Variants in COL5A3 observed in about 807,000 individuals in gnomAD.
COL5A3 encodes collagen type V alpha 3 chain.
In COL5A3, 172 loss-of-function variants were observed where a neutral mutation model predicts 250.0. The observed-to-expected ratio is 0.69, with a 90% CI of 0.61 to 0.78. COL5A3 has a LOEUF of 0.78. Ranked by LOEUF, COL5A3 falls within the 30% of genes least tolerant of loss-of-function variation. COL5A3 has a pLI of 0.00. For missense variants in COL5A3, 2,340 were observed against 2,334.4 expected (o/e 1.00, Z -0.05); for synonymous variants, 937 against 900.4 (o/e 1.04, Z -0.73).
rs1274427476 is a variant in COL5A3, at chr19:9,969,405, G to A, written c.4099-3C>T. On this transcript the variant is annotated splice_region_variant and splice_polypyrimidine_tract_variant and intron_variant, in intron 56 of 66. Transcript: ENST00000264828. ...GCTCCCAGGAGGCCTGGTTCACCCT[G>A]AGAATGGAACAGAACATGGGGTGGG... 3 of 1,607,406 alleles carry A rather than the reference G, an allele frequency of 1.9e-6. No individual in the cohort carries two copies. Among genetic ancestry groups the A allele is most frequent in the South Asian group, 1.1e-5 (1 of 90,326 alleles).
intron 51 of COL5A3, among the ~76,000 whole-genome samples, 190 bp from the exon 52 acceptor site, chr19:9,971,448 C>T (rs2086845435): frequency 6.6e-6 from 1 of 152,132 alleles, no homozygotes; most frequent in African/African-American, 2.4e-5. Context: ...CTAAGAATGC[C>T]GCACGCATGG....
chr19:9,992,127 G>A (rs1167842008), intron 21 of COL5A3, 79 bp from the exon 22 acceptor site: 4 of 1,289,372 alleles, frequency 3.1e-6, no homozygotes, highest in African/African-American at 1.5e-5. Flanking sequence ...AGATGCAGGT[G>A]GAAAGGTGAG....
chr19:9,993,555 AG>A, intron 18 of COL5A3, 63 bp downstream of exon 18: 1 of 1,589,792 alleles, frequency 6.3e-7, no homozygotes, highest in Non-Finnish European at 8.6e-7. Flanking sequence ...CTGAGGGAGA[AG>A]TTGGGGGGGC....
At chr19:9,981,030 C>G in intron 33 of COL5A3, 58 bp downstream of exon 33, 8 of 1,583,868 alleles carry the variant, frequency 5.1e-6, no homozygotes, top group Non-Finnish European at 6.9e-6. Flanking sequence ...CACTACCTTT[C>G]CTTCCCAGCC....
At chr19:9,967,790 C>T (rs966924157) in intron 61 of COL5A3, 114 bp downstream of exon 61, 19 of 1,069,612 alleles carry the variant, frequency 1.8e-5, no homozygotes, top group Admixed American at 1.3e-4. Flanking sequence ...ATTTGTCGAA[C>T]GCACGATTGC....
chr19:9,986,519 A>G, intron 29 of COL5A3, 34 bp downstream of exon 29: 1 of 1,601,544 alleles, frequency 6.2e-7, no homozygotes, highest in Non-Finnish European at 8.5e-7. Context: ...GAGCCCCCAG[A>G]CCCACACCAC....
At chr19:9,969,777 G>T (rs998979548) in intron 55 of COL5A3, 92 bp downstream of exon 55, 103 of 1,573,532 alleles carry the variant, frequency 6.5e-5, no homozygotes, top group Non-Finnish European at 8.6e-5. Flanking sequence ...GGGAGTAGGT[G>T]CACAGAGTGG....
At chr19:9,979,553 G>T in intron 37 of COL5A3, 136 bp from the exon 38 acceptor site, 3 of 910,882 alleles carry the variant, frequency 3.3e-6, no homozygotes, top group Non-Finnish European at 3.5e-6. Flanking sequence ...ACTTTGGGAG[G>T]CAGAGGCAGG....
At chr19:9,967,554 CAT>C in intron 61 of COL5A3, 154 bp from the exon 62 acceptor site, 2 of 634,414 alleles carry the variant, frequency 3.2e-6, no homozygotes, top group Non-Finnish European at 5.4e-6. Context: ...CACACACACA[CAT>C]ACAGCCTTGG....
At chr19:9,976,097 C>T (rs1035828658) in intron 45 of COL5A3, among the ~76,000 whole-genome samples, 7 of 150,402 alleles carry the variant, frequency 4.7e-5, no homozygotes, top group African/African-American at 1.7e-4. Flanking sequence ...GAGGGGAAGA[C>T]ATGGTTCGAC....
At position 10,010,413 on chromosome 19, in the gene COL5A3, G is replaced by A. The variant is rs766953941; in HGVS notation, c.-28C>T. The A allele has an allele frequency of 2.9e-6, 4 of 1,360,764 alleles. No individual in the cohort carries two copies. In the South Asian group the frequency reaches 5.4e-5, roughly 19 times the overall value. The allele number at this position is 1,360,764 out of a possible 1,614,324, so 84.3% of individuals were successfully genotyped here. ...CGGCGGGGCCCACGGGCAAGGCGGG[G>A]AACCAGTCGGGGCGGCTGCGGGGCG... On this transcript the variant is annotated 5_prime_UTR_variant, in exon 1 of 67. Transcript: ENST00000264828.
At chr19:9,974,459 G>A (rs747868495) in intron 45 of COL5A3, 51 bp from the exon 46 acceptor site, 4 of 1,362,704 alleles carry the variant, frequency 2.9e-6, no homozygotes, top group African/African-American at 2.9e-5. Context: ...AGTGATTAGG[G>A]CAGAGTGAGG....
chr19:9,979,072 T>A (rs893254556), intron 39 of COL5A3, 60 bp downstream of exon 39: 2 of 1,478,540 alleles, frequency 1.4e-6, no homozygotes, highest in Non-Finnish European at 1.8e-6. Flanking sequence ...ATGAGACTGA[T>A]TCTGAGTCCT....
Position 10,005,775 on chromosome 19 carries a change from G to C in COL5A3, c.437+21C>G, listed in dbSNP as rs752597703. On this transcript the variant is annotated intron_variant, in intron 3 of 66. Coordinates refer to ENST00000264828, the MANE Select transcript of COL5A3 (RefSeq NM_015719.4). Reference sequence around the variant, plus strand: ...CCCCACCCCTTATCCACGGACCCCCGCCCACTCTCCCCATGCTCACCTGCC... The same window carrying C: ...CCCCACCCCTTATCCACGGACCCCCCCCCACTCTCCCCATGCTCACCTGCC... 5 of 1,601,254 alleles carry C rather than the reference G, an allele frequency of 3.1e-6. No individual in the cohort carries two copies. The African/African-American group carries it at 6.7e-5, about 21-fold the overall frequency.
At chr19:9,973,893 C>T (rs2086886218) in intron 48 of COL5A3, 26 bp downstream of exon 48, 2 of 1,591,920 alleles carry the variant, frequency 1.3e-6, no homozygotes, top group South Asian at 2.2e-5. Flanking sequence ...ATCTCTGAGC[C>T]TTCCTGGCCC....
At chr19:9,964,355 C>G (rs1002560667) in intron 64 of COL5A3, among the ~76,000 whole-genome samples, 1 of 151,570 alleles carries the variant, frequency 6.6e-6, no homozygotes, top group Non-Finnish European at 1.5e-5. Flanking sequence ...ATCACAATAC[C>G]TTGGGAGGCC....
rs150127144 is a variant in COL5A3, at chr19:9,984,472, C to T, written c.2406+1370G>A. Reference sequence around the variant, plus strand: ...CAAATGTTATGTTTTCATATAAGTACGTTTTTGCATAAGTACATTTGACTA... The same window carrying T: ...CAAATGTTATGTTTTCATATAAGTATGTTTTTGCATAAGTACATTTGACTA... On this transcript the variant is annotated intron_variant, in intron 31 of 66. Transcript: ENST00000264828. Among the ~76,000 whole-genome samples, 169 of 152,222 alleles carry T rather than the reference C, an allele frequency of 1.1e-3. 2 individuals carry two copies. The highest frequency in any genetic ancestry group is 3.9e-3 in the African/African-American group (163 of 41,544).
intron 64 of COL5A3, 125 bp downstream of exon 64, chr19:9,966,189 A>C (rs1158536574): frequency 6.7e-6 from 5 of 746,320 alleles, no homozygotes; most frequent in East Asian, 2.6e-5. Context: ...AGGACTTGGC[A>C]TACAGTAAGT....
chr19:9,983,639 GAGAGAA>G (rs1476192431), intron 31 of COL5A3, among the ~76,000 whole-genome samples: 3 of 143,896 alleles, frequency 2.1e-5, no homozygotes, highest in South Asian at 2.2e-4. Context: ...AGAAGAGAGA[GAGAGAA>G]AGAAAGACAG....
Sources: allele counts gnomAD v4.1 joint callset (sites outside exome capture counted in the v4.1 genomes callset), GRCh38; gene constraint gnomAD v4.1.1; transcripts MANE v1.5; gene names NCBI Gene and HGNC (gene_info 2026-07-23, HGNC 2026-07-21).